Variants in LRRC49 observed in about 807,000 individuals in gnomAD.
LRRC49 encodes leucine rich repeat containing 49, also known as leucine-rich repeat-containing protein 49.
Under a neutral mutation model 83.3 loss-of-function variants are expected in LRRC49, and 50 were observed. The ratio of observed to expected loss-of-function variants is 0.60; its 90% CI spans 0.48 to 0.76. The LOEUF is 0.76. Ranked by LOEUF, LRRC49 falls within the 30% of genes least tolerant of loss-of-function variation. LRRC49 has a pLI of 0.00. For synonymous variants in LRRC49, 286 were observed against 283.3 expected (o/e 1.01, Z -0.10); for missense variants, 704 against 809.1 (o/e 0.87, Z 1.58).
intron 1 of LRRC49, chr15:70,859,215 T>C: frequency 2.1e-6 from 3 of 1,426,548 alleles, no homozygotes; most frequent in East Asian, 2.3e-5. Context: ...CTTGGCAACA[T>C]GCAGGGGCTG....
At chr15:70,915,195 C>T (rs888479192) in intron 6 of LRRC49, among the ~76,000 whole-genome samples, 1 of 152,106 alleles carries the variant, frequency 6.6e-6, no homozygotes, top group Admixed American at 6.5e-5. Flanking sequence ...ATGATTCTGG[C>T]CTGTTGGGTT....
At chr15:70,966,272 G>T (rs1195981633) in intron 9 of LRRC49, among the ~76,000 whole-genome samples, 1 of 152,102 alleles carries the variant, frequency 6.6e-6, no homozygotes, top group Non-Finnish European at 1.5e-5. Context: ...TGCAGAGGAT[G>T]CTGCAGTGAA....
intron 14 of LRRC49, among the ~76,000 whole-genome samples, chr15:71,027,443 T>C (rs907066327): frequency 3.9e-5 from 6 of 152,210 alleles, no homozygotes; most frequent in African/African-American, 1.4e-4. Flanking sequence ...TTTGGTTCCA[T>C]ATGAAATTTA....
At chr15:70,922,451 T>A (rs1186992011) in intron 7 of LRRC49, among the ~76,000 whole-genome samples, 10 of 152,126 alleles carry the variant, frequency 6.6e-5, no homozygotes, top group Admixed American at 5.2e-4. Context: ...ATGTTCTCAC[T>A]TATTTGTGGG....
At chr15:70,994,892 C>T (rs1262348295) in intron 11 of LRRC49, among the ~76,000 whole-genome samples, 1 of 152,138 alleles carries the variant, frequency 6.6e-6, no homozygotes, top group Non-Finnish European at 1.5e-5. Context: ...ATGACAGTAA[C>T]GTCACTTTAA....
chr15:70,882,508 A>C, intron 2 of LRRC49: 1 of 1,613,770 alleles, frequency 6.2e-7, no homozygotes, highest in Non-Finnish European at 8.5e-7. Flanking sequence ...CACTCTGTTC[A>C]CTCTTGATAT....
intron 7 of LRRC49, among the ~76,000 whole-genome samples, chr15:70,925,441 G>A (rs1034464581): frequency 2.0e-5 from 3 of 152,074 alleles, no homozygotes; most frequent in Admixed American, 1.3e-4. Context: ...ATGTATTACT[G>A]AAGCTGTATT....
intron 9 of LRRC49, among the ~76,000 whole-genome samples, chr15:70,975,165 A>T (rs2037162200): frequency 6.6e-6 from 1 of 151,696 alleles, no homozygotes; most frequent in Admixed American, 6.5e-5. Flanking sequence ...TTTAGAGGGC[A>T]GACAATAAAC....
rs2035184878 is a variant in LRRC49, at chr15:70,926,086, G to T, written c.711+6893G>T. On this transcript the variant is annotated intron_variant, in intron 7 of 15. Transcript: ENST00000260382. ...TAATGTCTTGATATTCATCCATTTT[G>T]TTGTGCATATCAGTAGTTTAAAAAA... 3.9e-5 allele frequency among the ~76,000 whole-genome samples: 6 copies of T among 152,186 alleles called. No homozygotes were observed. In the South Asian group the frequency reaches 1.2e-3, roughly 32 times the overall value.
intron 14 of LRRC49, among the ~76,000 whole-genome samples, chr15:71,025,664 A>G (rs1207975010): frequency 6.6e-6 from 1 of 151,362 alleles, no homozygotes; most frequent in Non-Finnish European, 1.5e-5. Flanking sequence ...AAATAATAAA[A>G]TAAAACAAAG....
intron 11 of LRRC49, 76 bp downstream of exon 11, chr15:70,984,333 C>T: frequency 2.4e-6 from 3 of 1,239,442 alleles, no homozygotes; most frequent in East Asian, 2.5e-5. Context: ...AACCATTTTA[C>T]ATATAATTAT....
intron 8 of LRRC49, among the ~76,000 whole-genome samples, chr15:70,946,526 T>TCCATATGCAGCAATATTCC (rs2036014316): frequency 6.6e-6 from 1 of 152,174 alleles, no homozygotes; most frequent in Non-Finnish European, 1.5e-5. Flanking sequence ...ATATCTTGGT[T>TCCATATGCAGCAATATTCC]ATTGTGAATA....
intron 13 of LRRC49, among the ~76,000 whole-genome samples, chr15:71,010,705 A>C (rs1371468675): frequency 1.3e-5 from 2 of 151,994 alleles, no homozygotes; most frequent in East Asian, 3.9e-4. Context: ...GTCACAAGGT[A>C]ATCCCCCAGC....
chr15:70,876,160 G>T (rs568852107), intron 2 of LRRC49, among the ~76,000 whole-genome samples: 3 of 152,088 alleles, frequency 2.0e-5, no homozygotes, highest in Non-Finnish European at 4.4e-5. Flanking sequence ...TGGTTTCAAC[G>T]ATCACTTTCA....
At chr15:71,040,242 T>C (rs1450618072) in intron 15 of LRRC49, among the ~76,000 whole-genome samples, 1 of 152,200 alleles carries the variant, frequency 6.6e-6, no homozygotes, top group East Asian at 1.9e-4. Context: ...GGAAATTGCA[T>C]AGTGTTATGC....
chr15:70,910,393 A>G (rs1044198759), intron 5 of LRRC49, among the ~76,000 whole-genome samples: 2 of 152,158 alleles, frequency 1.3e-5, no homozygotes, highest in Non-Finnish European at 2.9e-5. Flanking sequence ...TCACATATAT[A>G]CACACTATAT....
chr15:70,893,331 G>A lies in LRRC49; in HGVS notation c.49-253G>A, dbSNP rs190037927. On this transcript the variant is annotated intron_variant, in intron 1 of 15. Transcript: ENST00000260382. The stretch of plus-strand genomic sequence containing the variant: ...TATTTAGACCTGAATGGCAAATGTC[G>A]AAAGCCTGAGGTACTAACTAGAGGG... 1,187 of 559,176 alleles carry A rather than the reference G, an allele frequency of 2.1e-3. 3 individuals carry two copies. The highest frequency in any genetic ancestry group is 0.019 in the Middle Eastern group (39 of 2,096). The allele number at this position is 559,176 out of a possible 1,614,324, so 34.6% of individuals were successfully genotyped here.
chr15:71,026,696 G>A (rs1304411194), intron 14 of LRRC49, among the ~76,000 whole-genome samples: 1 of 152,186 alleles, frequency 6.6e-6, no homozygotes, highest in Non-Finnish European at 1.5e-5. Context: ...AACCAGTGAT[G>A]ATGAGCTTTT....
chr15:70,908,899 T>A (rs916354092), intron 5 of LRRC49, among the ~76,000 whole-genome samples: 4 of 152,212 alleles, frequency 2.6e-5, no homozygotes, highest in Non-Finnish European at 4.4e-5. Flanking sequence ...TTGGCCTATG[T>A]GCAGGAATGA....
Sources: gnomAD v4.1 joint callset for allele counts (sites outside exome capture counted in the v4.1 genomes callset) on GRCh38, gnomAD v4.1.1 for gene constraint, MANE v1.5 for transcripts, NCBI Gene and HGNC (gene_info 2026-07-23, HGNC 2026-07-21) for gene names.